The following HUNK variants were observed in gnomAD, a reference collection of about 807,000 sequenced individuals.
HUNK encodes the protein hormonally up-regulated Neu-associated kinase, also known as hormonally up-regulated neu tumor-associated kinase.
In HUNK, 21 loss-of-function variants were observed where a neutral mutation model predicts 61.0. The observed-to-expected ratio is 0.34, with a 90% CI of 0.24 to 0.50. The LOEUF is 0.50. Among genes scored for constraint, HUNK ranks in the 20% least tolerant of loss-of-function variants. The pLI, the probability that HUNK is intolerant of heterozygous loss-of-function variation, is 0.98. For synonymous variants in HUNK, 371 were observed against 386.1 expected, an observed-to-expected ratio of 0.96 and a Z score of 0.46; for missense variants, 772 against 945.7, an observed-to-expected ratio of 0.82 and a Z score of 2.41.
At chr21:31,943,812 C>G (rs566934023) in intron 3 of HUNK, among the ~76,000 whole-genome samples, 2 of 152,278 alleles carry the variant, frequency 1.3e-5, no homozygotes, top group East Asian at 3.9e-4. Flanking sequence ...GTGAACAGAT[C>G]GAGGCAGCCC....
intron 6 of HUNK, among the ~76,000 whole-genome samples, chr21:31,972,874 G>A (rs571341317): frequency 3.9e-5 from 6 of 152,090 alleles, no homozygotes; most frequent in Admixed American, 6.5e-5. Flanking sequence ...AGGTTACACC[G>A]ACCGGTGGCA....
intron 7 of HUNK, among the ~76,000 whole-genome samples, chr21:31,979,691 A>AT (rs767223454): frequency 6.7e-6 from 1 of 150,034 alleles, no homozygotes; most frequent in Non-Finnish European, 1.5e-5. Flanking sequence ...AATTTTTTGT[A>AT]TTTTTAGTAG....
chr21:31,983,528 A>G lies in HUNK; in HGVS notation c.1176A>G (p.Lys392=), dbSNP rs2053112358. ...CTTTTTCTTTTCTCCTCTGGTAGAAATCTGACATCCAGGACAGCCTCTGCT... is the reference window on the plus strand; with the variant it reads ...CTTTTTCTTTTCTCCTCTGGTAGAAGTCTGACATCCAGGACAGCCTCTGCT... ...NKKLERYLSG[K]SDIQDSLCYK... The change falls in exon 8 of 11, where the codon AAA becomes AAG. Residue 392 remains lysine (K), a splice_region_variant and synonymous_variant. Transcript: ENST00000270112. The G allele has an allele frequency of 6.2e-7, 1 of 1,613,110 alleles. No individual in the cohort carries two copies. The highest frequency in any genetic ancestry group is 8.5e-7 in the Non-Finnish European group (1 of 1,179,370).
In HUNK at chr21:31,917,751, CACACA is replaced by C. The variant is rs1568924808; in HGVS notation, c.262-6716_262-6712del. The stretch of plus-strand genomic sequence containing the variant: ...ACACACACACACACACACACACACA[CACACA>C]CCCCTGGACTGAATTGGGAGTTCCC... On this transcript the variant is annotated intron_variant, in intron 1 of 10. Coordinates refer to ENST00000270112, the MANE Select transcript of HUNK (RefSeq NM_014586.2). 3.2e-3 allele frequency among the ~76,000 whole-genome samples: 460 copies of C among 145,264 alleles called. 2 individuals carry two copies. The highest frequency in any genetic ancestry group is 4.2e-3 in the Admixed American group (61 of 14,592).
Position 31,873,903 on chromosome 21 carries a change from C to T in HUNK, c.229C>T (p.Arg77Cys). ...GGGCGAGGGCTCCTTTGCCAAGGTG[C>T]GCGAGGGGCTGCACGTGCTGACCGG... ...KLGEGSFAKV[R>C]EGLHVLTGEK... The change falls in exon 1 of 11, where the codon CGC becomes TGC. Residue 77 changes from arginine (R) to cysteine (C), a missense_variant. Physicochemically the swap from Arg to Cys is radical, Grantham distance 180. This residue lies in a region of HUNK where 359 missense variants were observed against 501.3 expected (regional missense o/e 0.72). Transcript: ENST00000270112. The surrounding 1 kb of genome is among the most constrained non-coding windows in gnomAD (Gnocchi z 6.1). The T allele has an allele frequency of 2.5e-6, 4 of 1,575,204 alleles. No individual in the cohort carries two copies. The highest frequency in any genetic ancestry group is 8.6e-7 in the Non-Finnish European group (1 of 1,163,372).
chr21:31,956,208 C>A (rs1166927823), intron 4 of HUNK, among the ~76,000 whole-genome samples: 1 of 152,196 alleles, frequency 6.6e-6, no homozygotes, highest in Non-Finnish European at 1.5e-5. Flanking sequence ...TGGTCTTGTT[C>A]CACAACCAAT....
At chr21:31,903,265 A>G (rs929278236) in intron 1 of HUNK, among the ~76,000 whole-genome samples, 4 of 152,054 alleles carry the variant, frequency 2.6e-5, no homozygotes, top group African/African-American at 7.2e-5. Flanking sequence ...TTTAAAATGT[A>G]TTTTCATAAT....
intron 1 of HUNK, among the ~76,000 whole-genome samples, chr21:31,889,689 A>G (rs1305707709): frequency 6.6e-6 from 1 of 152,222 alleles, no homozygotes; most frequent in Non-Finnish European, 1.5e-5. Flanking sequence ...CCAATTTGAC[A>G]TAATAAAACT....
At chr21:31,906,357 C>T (rs1032932006) in intron 1 of HUNK, among the ~76,000 whole-genome samples, 3 of 152,228 alleles carry the variant, frequency 2.0e-5, no homozygotes, top group African/African-American at 7.2e-5. Flanking sequence ...GACTGGTAAT[C>T]TCATATGCAC....
intron 7 of HUNK, among the ~76,000 whole-genome samples, chr21:31,979,745 G>A (rs1366522824): frequency 1.3e-5 from 2 of 151,650 alleles, no homozygotes; most frequent in Non-Finnish European, 2.9e-5. Context: ...TCAATCTCCT[G>A]ACCTCGTGAT....
At chr21:31,887,469 T>A (rs2052354893) in intron 1 of HUNK, among the ~76,000 whole-genome samples, 1 of 152,172 alleles carries the variant, frequency 6.6e-6, no homozygotes, top group Non-Finnish European at 1.5e-5. Context: ...TCTTGCCCAT[T>A]TTCTGAGCCA....
At chr21:31,884,490 G>A (rs2052331622) in intron 1 of HUNK, among the ~76,000 whole-genome samples, 1 of 151,958 alleles carries the variant, frequency 6.6e-6, no homozygotes, top group Admixed American at 6.6e-5. Flanking sequence ...TACTTGGGAG[G>A]CTGAGGCAGG....
At chr21:31,910,112 A>G (rs551553326) in intron 1 of HUNK, among the ~76,000 whole-genome samples, 8 of 152,356 alleles carry the variant, frequency 5.3e-5, no homozygotes, top group African/African-American at 1.9e-4. Flanking sequence ...TAACCATCAT[A>G]AAGGTTTCAT....
chr21:31,999,160 C>A lies in HUNK; in HGVS notation c.2121C>A (p.Ala707=). The A allele has an allele frequency of 1.2e-6, 2 of 1,612,030 alleles. No homozygotes were observed. The highest frequency in any genetic ancestry group is 1.7e-6 in the Non-Finnish European group (2 of 1,179,028). The change falls in exon 11 of 11, where the codon GCC becomes GCA. Residue 707 remains alanine (A), a synonymous_variant. Transcript: ENST00000270112. ...LAPVNLAFDM[A]DGVKTQC Reference sequence around the variant, plus strand: ...CTGTGAACCTTGCCTTTGACATGGCCGATGGGGTCAAGACCCAGTGCTAAC... The same window carrying A: ...CTGTGAACCTTGCCTTTGACATGGCAGATGGGGTCAAGACCCAGTGCTAAC...
intron 2 of HUNK, among the ~76,000 whole-genome samples, chr21:31,938,542 G>C (rs1440889463): frequency 6.6e-6 from 1 of 152,190 alleles, no homozygotes; most frequent in African/African-American, 2.4e-5. Flanking sequence ...CCTAGCTATC[G>C]CTCCTTTTTG....
intron 7 of HUNK, among the ~76,000 whole-genome samples, chr21:31,982,934 G>T (rs59623699): frequency 0.044 from 6,740 of 152,250 alleles, 470 homozygotes; most frequent in African/African-American, 0.15. Flanking sequence ...CACCTGAGTA[G>T]CTGGGACTAC....
At chr21:31,976,448 G>A (rs1392650981) in intron 7 of HUNK, among the ~76,000 whole-genome samples, 1 of 99,266 alleles carries the variant, frequency 1.0e-5, no homozygotes, top group Non-Finnish European at 2.2e-5. Context: ...TGTTTTAATT[G>A]TTTTTTGAGA....
At chr21:31,887,482 T>G (rs1051774609) in intron 1 of HUNK, among the ~76,000 whole-genome samples, 1 of 152,240 alleles carries the variant, frequency 6.6e-6, no homozygotes, top group Non-Finnish European at 1.5e-5. Context: ...CTGAGCCATT[T>G]GATTCATTCT....
chr21:31,925,753 A>G (rs1457803139), intron 2 of HUNK, among the ~76,000 whole-genome samples: 1 of 152,208 alleles, frequency 6.6e-6, no homozygotes, highest in Non-Finnish European at 1.5e-5. Context: ...TGCCATTGGT[A>G]GTGGGTGCCT....
Sources: allele counts gnomAD v4.1 joint callset (sites outside exome capture counted in the v4.1 genomes callset), GRCh38; gene constraint gnomAD v4.1.1; regional missense constraint gnomAD v4.1.1; non-coding constraint Gnocchi (gnomAD v3.1); transcripts MANE v1.5; gene names NCBI Gene and HGNC (gene_info 2026-07-23, HGNC 2026-07-21).